Variants in DTD1 observed in about 807,000 individuals in gnomAD.
The protein encoded by DTD1 is D-aminoacyl-tRNA deacylase 1, also known as D-tyrosyl-tRNA deacylase 1 homolog.
In DTD1, 13 loss-of-function variants were observed where a neutral mutation model predicts 25.6. The ratio of observed to expected loss-of-function variants is 0.51; its 90% confidence interval spans 0.33 to 0.81. The LOEUF is 0.81. Ranked by LOEUF, DTD1 falls within the 30% of genes least tolerant of loss-of-function variation. The probability of loss-of-function intolerance (pLI) is 0.02; values close to 1 mark genes in which losing one functional copy is unlikely to be tolerated. For missense variants in DTD1, 193 were observed against 266.4 expected, an observed-to-expected ratio of 0.72 and a Z score of 1.92; for synonymous variants, 110 against 103.6, an observed-to-expected ratio of 1.06 and a Z score of -0.37.
chr20:18,629,185 G>A (rs1443160758), intron 4 of DTD1, among the ~76,000 whole-genome samples: 2 of 151,454 alleles, frequency 1.3e-5, no homozygotes, highest in Non-Finnish European at 2.9e-5. Context: ...TAGTAGAGAC[G>A]GGGTTTCTCC....
At chr20:18,622,980 G>A (rs905419517) in intron 3 of DTD1, among the ~76,000 whole-genome samples, 5 of 143,380 alleles carry the variant, frequency 3.5e-5, no homozygotes, top group Non-Finnish European at 7.5e-5. Flanking sequence ...TTGCTCTGTC[G>A]CCAGGCTGGA....
chr20:18,667,010 C>T (rs1248744003), intron 4 of DTD1, among the ~76,000 whole-genome samples: 3 of 152,136 alleles, frequency 2.0e-5, no homozygotes, highest in Admixed American at 6.5e-5. Flanking sequence ...GCCAGCCAAA[C>T]GGTTCCATCC....
At chr20:18,615,410 C>T (rs2060705527) in intron 3 of DTD1, among the ~76,000 whole-genome samples, 1 of 152,170 alleles carries the variant, frequency 6.6e-6, no homozygotes, top group African/African-American at 2.4e-5. Context: ...ATTGGGTCCC[C>T]AGACTGAGTA....
intron 3 of DTD1, among the ~76,000 whole-genome samples, chr20:18,626,643 CTT>C (rs1207715932): frequency 6.6e-6 from 1 of 151,952 alleles, no homozygotes; most frequent in Non-Finnish European, 1.5e-5. Context: ...TTTTTGGGCG[CTT>C]TACCCTTTGA....
chr20:18,708,285 TTATA>T (rs370394388), intron 4 of DTD1, among the ~76,000 whole-genome samples: 4 of 35,734 alleles, frequency 1.1e-4, no homozygotes, highest in Non-Finnish European at 2.1e-4. Flanking sequence ...ATAATATATA[TTATA>T]TATATATAAT....
chr20:18,593,479 C>T (rs2060598388), intron 1 of DTD1, among the ~76,000 whole-genome samples: 2 of 152,098 alleles, frequency 1.3e-5, no homozygotes, highest in South Asian at 4.1e-4. Flanking sequence ...TGAAATATGG[C>T]CCTAAGATCC....
chr20:18,619,990 A>G (rs948168086), intron 3 of DTD1: 9 of 152,068 alleles, frequency 5.9e-5, no homozygotes, highest in Non-Finnish European at 8.8e-5. Context: ...TAATTTTTAA[A>G]AACTTCCATT....
chr20:18,677,891 C>G (rs1296300168), intron 4 of DTD1, among the ~76,000 whole-genome samples: 2 of 152,188 alleles, frequency 1.3e-5, no homozygotes, highest in African/African-American at 4.8e-5. Flanking sequence ...AAAATTAAAC[C>G]TCAGCTCTCC....
At chr20:18,726,085 T>A (rs1445460781) in intron 4 of DTD1, among the ~76,000 whole-genome samples, 1 of 152,224 alleles carries the variant, frequency 6.6e-6, no homozygotes, top group Non-Finnish European at 1.5e-5. Context: ...AAGCATTGGA[T>A]TATCCTCAAG....
At chr20:18,751,841 GTTT>G (rs149413679) in intron 5 of DTD1, among the ~76,000 whole-genome samples, 94 of 147,316 alleles carry the variant, frequency 6.4e-4, no homozygotes, top group Middle Eastern at 3.5e-3. Flanking sequence ...TAGACTTGTA[GTTT>G]TTTTTTTTTG....
At chr20:18,717,362 T>G (rs1422539377) in intron 4 of DTD1, among the ~76,000 whole-genome samples, 1 of 152,220 alleles carries the variant, frequency 6.6e-6, no homozygotes, top group Non-Finnish European at 1.5e-5. Flanking sequence ...TTTACATGTG[T>G]TTACATTTTT....
chr20:18,662,841 G>C (rs2060916784), intron 4 of DTD1, among the ~76,000 whole-genome samples: 1 of 152,076 alleles, frequency 6.6e-6, no homozygotes, highest in African/African-American at 2.4e-5. Flanking sequence ...AATGGACACA[G>C]CTGCTTCAGA....
At chr20:18,591,355 C>G (rs1198550268) in intron 1 of DTD1, among the ~76,000 whole-genome samples, 1 of 152,124 alleles carries the variant, frequency 6.6e-6, no homozygotes, top group Non-Finnish European at 1.5e-5. Context: ...CGAAGATTTT[C>G]ACTACACTGT....
At chr20:18,728,826 A>G (rs1253689057) in intron 4 of DTD1, among the ~76,000 whole-genome samples, 1 of 152,174 alleles carries the variant, frequency 6.6e-6, no homozygotes, top group African/African-American at 2.4e-5. Flanking sequence ...AGTCAGGAGA[A>G]TAAAAATAGT....
At chr20:18,608,931 C>A (rs1162563246) in intron 3 of DTD1, among the ~76,000 whole-genome samples, 1 of 152,164 alleles carries the variant, frequency 6.6e-6, no homozygotes, top group Non-Finnish European at 1.5e-5. Context: ...TAAATATCAT[C>A]ATATTTTACC....
intron 4 of DTD1, among the ~76,000 whole-genome samples, chr20:18,645,604 C>T (rs893214442): frequency 1.3e-5 from 2 of 152,206 alleles, no homozygotes; most frequent in African/African-American, 4.8e-5. Context: ...GAATACTATA[C>T]AAAGGAACCA....
chr20:18,668,137 CAT>C (rs935395651), intron 4 of DTD1, among the ~76,000 whole-genome samples: 22 of 152,282 alleles, frequency 1.4e-4, no homozygotes, highest in African/African-American at 5.1e-4. Flanking sequence ...AACAGAACAA[CAT>C]ATGTTTGTCC....
chr20:18,626,962 C>T (rs1285184767), intron 3 of DTD1, among the ~76,000 whole-genome samples: 2 of 152,200 alleles, frequency 1.3e-5, no homozygotes, highest in Non-Finnish European at 2.9e-5. Flanking sequence ...CAATTAAACA[C>T]ATGATTTCCT....
chr20:18,738,816 G>A (rs1008070771), intron 4 of DTD1, among the ~76,000 whole-genome samples: 1 of 152,204 alleles, frequency 6.6e-6, no homozygotes, highest in African/African-American at 2.4e-5. Flanking sequence ...TTCTCTGTGG[G>A]ACATTGATGA....
Sources: gnomAD v4.1 joint callset for allele counts (sites outside exome capture counted in the v4.1 genomes callset) on GRCh38, gnomAD v4.1.1 for gene constraint, MANE v1.5 for transcripts, NCBI Gene and HGNC (gene_info 2026-07-23, HGNC 2026-07-21) for gene names.